The following SNAPC5 variants were observed in gnomAD, a reference collection of about 807,000 sequenced individuals.
SNAPC5 encodes the protein small nuclear RNA activating complex polypeptide 5, also known as snRNA-activating protein complex subunit 5.
In SNAPC5, 12 loss-of-function variants were observed where a neutral mutation model predicts 9.1. The ratio of observed to expected loss-of-function variants is 1.32; its 90% CI spans 0.85 to 2.15. SNAPC5 has a LOEUF of 2.15. Ranked by LOEUF, SNAPC5 falls within the 30% of genes most tolerant of loss-of-function variation. The pLI is 0.00. For synonymous variants in SNAPC5, 52 were observed against 47.3 expected, an observed-to-expected ratio of 1.10 and a Z score of -0.41; for missense variants, 132 against 114.4, an observed-to-expected ratio of 1.15 and a Z score of -0.70.
downstream of SNAPC5, chr15:66,492,026 C>T: frequency 2.2e-6 from 1 of 456,682 alleles, no homozygotes; most frequent in Non-Finnish European, 4.4e-6. Context: ...TTCTGCACAA[C>T]ATAGGACAGT....
downstream of SNAPC5, chr15:66,490,558 C>A: frequency 6.2e-7 from 1 of 1,614,194 alleles, no homozygotes; most frequent in Non-Finnish European, 8.5e-7. Flanking sequence ...CAGGTTGGCT[C>A]TGCTCCACCA....
chr15:66,490,988 T>C (rs949514883), downstream of SNAPC5: 8 of 433,310 alleles, frequency 1.8e-5, no homozygotes, highest in Admixed American at 1.9e-4. Context: ...TCTTTGACAT[T>C]TGGTGGTACT....
chr15:66,490,298 G>A, downstream of SNAPC5: 4 of 689,242 alleles, frequency 5.8e-6, no homozygotes, highest in South Asian at 5.9e-5. Flanking sequence ...GAGGTGACTT[G>A]CCCAAGGCCT....
Position 66,494,518 on chromosome 15 carries a change from T to C in SNAPC5, c.215A>G (p.Asn72Ser). The C allele has an allele frequency of 1.2e-6, 2 of 1,614,088 alleles. No homozygotes were observed. The highest frequency in any genetic ancestry group is 1.7e-6 in the Non-Finnish European group (2 of 1,179,990). The change falls in exon 3 of 3, where the codon AAC (asparagine) becomes AGC (serine). Residue 72 changes from asparagine (N) to serine (S), a missense_variant. Coordinates refer to ENST00000316634, the MANE Select transcript of SNAPC5 (RefSeq NM_001329615.2). ...TGTGCTCAGCTCCAGGGTTGTTTGG[T>C]TGATTGATGCTTCATTGTCTACATG... ...LVHVDNEASI[N>S]QTTLELSTKS... is the part of the protein sequence containing the mutation.
intron 1 of SNAPC5, chr15:66,496,818 C>A: frequency 6.6e-6 from 1 of 152,314 alleles, no homozygotes; most frequent in East Asian, 1.9e-4. Flanking sequence ...TGGTGAAACC[C>A]CGTCTCTACT....
downstream of SNAPC5, chr15:66,492,401 T>TATA: frequency 1.4e-4 from 28 of 201,334 alleles, no homozygotes; most frequent in South Asian, 2.3e-4. Flanking sequence ...AAAAAAATGA[T>TATA]CAGTGTTGTA....
In SNAPC5 at chr15:66,494,403, T is replaced by G. The variant is rs1315658318; in HGVS notation, c.*33A>C. The G allele has an allele frequency of 2.1e-6, 3 of 1,447,320 alleles. No individual in the cohort carries two copies. In the Admixed American group the frequency reaches 5.0e-5, roughly 24 times the overall value. 89.7% of individuals were successfully genotyped at this position (1,447,320 alleles called of 1,614,324 possible). A position where few individuals can be genotyped will look rare whatever the true frequency, so the allele number is the denominator to read the frequency against. On this transcript the variant is annotated 3_prime_UTR_variant, in exon 3 of 3. Coordinates refer to ENST00000316634, the MANE Select transcript of SNAPC5 (RefSeq NM_001329615.2). ...TAGCCTGAGCCTTAGAAATGCAATT[T>G]GTATAACTGACCAGCCTGGCTTTCC...
downstream of SNAPC5, among the ~76,000 whole-genome samples, chr15:66,493,272 A>G (rs1212208464): frequency 6.6e-6 from 1 of 152,196 alleles, no homozygotes; most frequent in Non-Finnish European, 1.5e-5. Context: ...CATGGTAGTC[A>G]GTGGAAAAGG....
chr15:66,492,581 G>C (rs886166024), downstream of SNAPC5, among the ~76,000 whole-genome samples: 2 of 152,096 alleles, frequency 1.3e-5, no homozygotes, highest in Admixed American at 6.5e-5. Flanking sequence ...TACTGAGAAT[G>C]TTTCATTAAA....
In SNAPC5 at chr15:66,493,959, G is replaced by A. The variant is rs962251210; in HGVS notation, c.*477C>T. 6.5e-6 allele frequency: 1 copy of A among 154,164 alleles called. No individual in the cohort carries two copies. Among genetic ancestry groups the A allele is most frequent in the African/African-American group, 2.4e-5 (1 of 41,478 alleles). The allele number at this position is 154,164 out of a possible 1,614,324, so 9.5% of individuals were successfully genotyped here. Reference sequence around the variant, plus strand: ...GAGGTAGAAACAGCTTGTGCTCTCAGACGGCCCTCAGTCCTTCCCCTTGTC... The same window carrying A: ...GAGGTAGAAACAGCTTGTGCTCTCAAACGGCCCTCAGTCCTTCCCCTTGTC... On this transcript the variant is annotated 3_prime_UTR_variant, in exon 3 of 3. Transcript: ENST00000316634.
At chr15:66,497,388 C>A (rs1893472586) in intron 1 of SNAPC5, 1 of 593,356 alleles carries the variant, frequency 1.7e-6, no homozygotes, top group Non-Finnish European at 3.0e-6. Flanking sequence ...ACTGCACTTG[C>A]CAAACACAGA....
rs1893362234 is a variant in SNAPC5 at position 66,494,503 on chromosome 15, T to A, written c.230A>T (p.Glu77Val). The A allele has an allele frequency of 6.2e-7, 1 of 1,613,966 alleles. No homozygotes were observed. Among genetic ancestry groups the A allele is most frequent in the Non-Finnish European group, 8.5e-7 (1 of 1,180,044 alleles). ...NEASINQTTLELSTKSHVTEE... is the reference protein window; with the variant it reads ...NEASINQTTLVLSTKSHVTEE... Reference sequence around the variant, plus strand: ...CGTCACATGACTCTTTGTGCTCAGCTCCAGGGTTGTTTGGTTGATTGATGC... The same window carrying A: ...CGTCACATGACTCTTTGTGCTCAGCACCAGGGTTGTTTGGTTGATTGATGC... The change falls in exon 3 of 3, where the codon GAG (glutamate) becomes GTG (valine). Residue 77 changes from glutamate to valine, a missense_variant. Physicochemically the swap from Glu to Val is moderately radical, Grantham distance 121. Coordinates refer to ENST00000316634, the MANE Select transcript of SNAPC5 (RefSeq NM_001329615.2).
Position 66,495,394 on chromosome 15 carries a change from A to G in SNAPC5, c.116T>C (p.Met39Thr). 6.2e-7 allele frequency: 1 copy of G among 1,606,362 alleles called. No individual in the cohort carries two copies. The highest frequency in any genetic ancestry group is 8.5e-7 in the Non-Finnish European group (1 of 1,172,834). The stretch of plus-strand genomic sequence containing the variant: ...CTCATCCCCTCTTCTAGAACTGATC[A>G]TTGATTGGAGGGCTAATTCTTCAAC... ...LKVEELALQS[M>T]ISSRRGDEML... Residue 39 changes from methionine to threonine, a missense_variant, in exon 2 of 3, where the codon ATG (methionine) becomes ACG (threonine). Physicochemically the swap from Met to Thr is moderately conservative, Grantham distance 81. Transcript: ENST00000316634.
rs776097640 is a variant in SNAPC5, at chr15:66,494,549, A to G, written c.184T>C (p.Leu62=). The G allele has an allele frequency of 6.2e-7, 1 of 1,611,170 alleles. No individual in the cohort carries two copies. The highest frequency in any genetic ancestry group is 1.1e-5 in the South Asian group (1 of 90,992). ...HTVPEQSHDM[L]VHVDNEASIN... Reference sequence around the variant, plus strand: ...GATGCTTCATTGTCTACATGCACCAACATCTGTATTGGCCAAGGGCATCAC... The same window carrying G: ...GATGCTTCATTGTCTACATGCACCAGCATCTGTATTGGCCAAGGGCATCAC... The change falls in exon 3 of 3, where the codon TTG becomes CTG. Residue 62 remains leucine (L), a synonymous_variant. Transcript: ENST00000316634.
Position 66,495,455 on chromosome 15 carries a change from A to C in SNAPC5, c.91-36T>G, listed in dbSNP as rs74591984. On this transcript the variant is annotated intron_variant, in intron 1 of 2. Transcript: ENST00000316634. ...AGAGTTGAGGACACTTTTCCTTACT[A>C]TTTCACTGGACTACTGATGTGGGTA... The C allele has an allele frequency of 3.7e-3, 4,252 of 1,155,842 alleles. 113 individuals carry two copies. The African/African-American group carries it at 0.058, about 16-fold the overall frequency. The allele number at this position is 1,155,842 out of a possible 1,614,324, so 71.6% of individuals were successfully genotyped here. A position where few individuals can be genotyped will look rare whatever the true frequency, so the allele number is the denominator to read the frequency against.
downstream of SNAPC5, chr15:66,490,857 G>C (rs1893233906): frequency 1.7e-6 from 1 of 574,528 alleles, no homozygotes; most frequent in Non-Finnish European, 3.2e-6. Flanking sequence ...TGTGTATGCT[G>C]ATGATCAAAA....
chr15:66,492,768 T>A (rs1271385004), downstream of SNAPC5, among the ~76,000 whole-genome samples: 4 of 152,162 alleles, frequency 2.6e-5, no homozygotes, highest in African/African-American at 9.7e-5. Context: ...AATGCCAGAT[T>A]CTTACTGAGA....
chr15:66,497,682 C>T lies in SNAPC5; in HGVS notation c.50G>A (p.Arg17Gln). The T allele has an allele frequency of 1.9e-6, 3 of 1,613,912 alleles. No individual in the cohort carries two copies. Among genetic ancestry groups the T allele is most frequent in the Non-Finnish European group, 2.5e-6 (3 of 1,179,990 alleles). The change falls in exon 1 of 3, where the codon CGG becomes CAG. Residue 17 changes from arginine (R) to glutamine (Q), a missense_variant. Physicochemically the swap from Arg to Gln is conservative, Grantham distance 43 (BLOSUM62 1). Coordinates refer to ENST00000316634, the MANE Select transcript of SNAPC5 (RefSeq NM_001329615.2). Reference sequence around the variant, plus strand: ...CTGGTCGTGCAGGGCTGCCTTCAACCGCAGCAGCGTCTCCTCCTCCTTGCG... The same window carrying T: ...CTGGTCGTGCAGGGCTGCCTTCAACTGCAGCAGCGTCTCCTCCTCCTTGCG... ...ELRKEEETLL[R>Q]LKAALHDQLN... is the part of the protein sequence containing the mutation.
downstream of SNAPC5, chr15:66,491,737 C>T (rs1357473956): frequency 2.9e-6 from 1 of 345,154 alleles, no homozygotes; most frequent in Non-Finnish European, 5.7e-6. Flanking sequence ...CAGCTCTTCT[C>T]ACCCAACACC....
Sources: gnomAD v4.1 joint callset for allele counts (sites outside exome capture counted in the v4.1 genomes callset) on GRCh38, gnomAD v4.1.1 for gene constraint, MANE v1.5 for transcripts, NCBI Gene and HGNC (gene_info 2026-07-23, HGNC 2026-07-21) for gene names.